The following KIAA0825 variants were observed in gnomAD, a reference collection of about 807,000 sequenced individuals.
KIAA0825 encodes KIAA0825.
In KIAA0825, 119 loss-of-function variants were observed where a neutral mutation model predicts 147.6. The observed-to-expected ratio is 0.81, with a 90% CI of 0.69 to 0.94. KIAA0825 has a LOEUF of 0.94. Ranked by LOEUF, KIAA0825 falls within the 40% of genes least tolerant of loss-of-function variation. KIAA0825 has a pLI of 0.00. For missense variants in KIAA0825, 1,381 were observed against 1,472.7 expected, an observed-to-expected ratio of 0.94 and a Z score of 1.02; for synonymous variants, 470 against 518.1, an observed-to-expected ratio of 0.91 and a Z score of 1.26.
intron 20 of KIAA0825, among the ~76,000 whole-genome samples, chr5:94,274,642 TAA>T (rs764772244): frequency 4.5e-4 from 69 of 152,112 alleles, no homozygotes; most frequent in Non-Finnish European, 8.8e-4. Context: ...TAATAATCTA[TAA>T]AACCTTTCTA....
At chr5:94,201,706 G>A (rs866232413) in intron 20 of KIAA0825, among the ~76,000 whole-genome samples, 6 of 151,466 alleles carry the variant, frequency 4.0e-5, no homozygotes, top group African/African-American at 1.2e-4. Context: ...GGGCTACCAC[G>A]CCCCACCATG....
chr5:94,277,456 A>AC (rs1777271987), intron 20 of KIAA0825, among the ~76,000 whole-genome samples: 1 of 152,186 alleles, frequency 6.6e-6, no homozygotes, highest in Non-Finnish European at 1.5e-5. Context: ...AAGGATATGA[A>AC]CAGACACTTC....
Position 94,462,436 on chromosome 5 carries a change from G to A in KIAA0825, c.2197C>T (p.Leu733=), listed in dbSNP as rs1424122146. 2.0e-6 allele frequency: 3 copies of A among 1,493,378 alleles called. No individual in the cohort carries two copies. Among genetic ancestry groups the A allele is most frequent in the Non-Finnish European group, 1.8e-6 (2 of 1,097,508 alleles). 92.5% of individuals were successfully genotyped at this position (1,493,378 alleles called of 1,614,324 possible). The change falls in exon 12 of 21, where the codon CTG becomes TTG. Residue 733 remains leucine (L), a synonymous_variant. Coordinates refer to ENST00000682413, the MANE Select transcript of KIAA0825 (RefSeq NM_001145678.3). ...IFKIHTHCNN[L]FTTLVILTSP... ...GTCAAAATGACTAATGTTGTAAACA[G>A]ATTATTACAATGAGTGTGAATTTTA...
chr5:94,555,071 T>A (rs1776295674), intron 2 of KIAA0825, among the ~76,000 whole-genome samples: 1 of 152,044 alleles, frequency 6.6e-6, no homozygotes, highest in African/African-American at 2.4e-5. Flanking sequence ...GAAATCTACA[T>A]AATTGCAAAA....
chr5:94,282,839 T>C (rs1246258045), intron 20 of KIAA0825, among the ~76,000 whole-genome samples: 1 of 151,826 alleles, frequency 6.6e-6, no homozygotes. Flanking sequence ...CAATAGTCTG[T>C]TTAAAGGGAA....
intron 15 of KIAA0825, among the ~76,000 whole-genome samples, chr5:94,406,029 C>A (rs1039741656): frequency 2.0e-5 from 3 of 152,066 alleles, no homozygotes; most frequent in African/African-American, 7.2e-5. Context: ...CAGGTTCAAG[C>A]GATTCTCCTG....
intron 17 of KIAA0825, 148 bp from the exon 18 acceptor site, chr5:94,391,842 C>T (rs527480661): frequency 1.6e-6 from 1 of 643,204 alleles, no homozygotes; most frequent in South Asian, 2.4e-5. Context: ...CCTTCCCAAA[C>T]CGCTGCCACT....
chr5:94,558,613 C>A (rs530776257), intron 2 of KIAA0825, among the ~76,000 whole-genome samples: 14 of 152,258 alleles, frequency 9.2e-5, no homozygotes, highest in African/African-American at 3.4e-4. Flanking sequence ...CCATATCTGC[C>A]ATTAAACACC....
intron 20 of KIAA0825, among the ~76,000 whole-genome samples, chr5:94,265,737 G>A (rs910187903): frequency 6.6e-6 from 1 of 152,136 alleles, no homozygotes. Context: ...GGAGGCGGAG[G>A]TTGCAGTGAG....
intron 20 of KIAA0825, among the ~76,000 whole-genome samples, chr5:94,195,719 T>A (rs114782463): frequency 0.012 from 1,803 of 152,264 alleles, 15 homozygotes; most frequent in Admixed American, 0.016. Flanking sequence ...AAGGGACATA[T>A]GTTATAGTCA....
At chr5:94,280,650 C>A (rs979546310) in intron 20 of KIAA0825, among the ~76,000 whole-genome samples, 1 of 152,038 alleles carries the variant, frequency 6.6e-6, no homozygotes, top group African/African-American at 2.4e-5. Flanking sequence ...ATCTGATGCT[C>A]AAATAGCTGC....
intron 20 of KIAA0825, among the ~76,000 whole-genome samples, chr5:94,321,811 T>A (rs893832320): frequency 1.3e-5 from 2 of 152,008 alleles, no homozygotes; most frequent in African/African-American, 4.8e-5. Context: ...GTTAAAATCA[T>A]ATTTAACAGA....
At chr5:94,385,425 T>C (rs10075297) in intron 19 of KIAA0825, among the ~76,000 whole-genome samples, 2,508 of 152,228 alleles carry the variant, frequency 0.016, 86 homozygotes, top group African/African-American at 0.058. Context: ...GTAACAGGCA[T>C]GGTAAAAATA....
At chr5:94,177,655 C>T (rs964912495) in intron 20 of KIAA0825, among the ~76,000 whole-genome samples, 1 of 152,018 alleles carries the variant, frequency 6.6e-6, no homozygotes, top group African/African-American at 2.4e-5. Flanking sequence ...TTAATGCTGC[C>T]TGTGGTTGAA....
intron 2 of KIAA0825, among the ~76,000 whole-genome samples, chr5:94,550,159 C>T (rs965860258): frequency 6.6e-6 from 1 of 152,144 alleles, no homozygotes; most frequent in African/African-American, 2.4e-5. Flanking sequence ...GAAAGACAAA[C>T]ATCATATGTG....
At chr5:94,315,589 T>C (rs540832349) in intron 20 of KIAA0825, among the ~76,000 whole-genome samples, 8 of 151,826 alleles carry the variant, frequency 5.3e-5, no homozygotes, top group Non-Finnish European at 1.2e-4. Flanking sequence ...ATTCTTAGTA[T>C]GTTAGTCGAA....
intron 3 of KIAA0825, among the ~76,000 whole-genome samples, chr5:94,528,123 A>C (rs1769718346): frequency 6.6e-6 from 1 of 152,218 alleles, no homozygotes. Flanking sequence ...TAATCATTTC[A>C]AAAAGTTGTA....
intron 20 of KIAA0825, among the ~76,000 whole-genome samples, chr5:94,327,909 G>A (rs1425927227): frequency 6.6e-6 from 1 of 152,130 alleles, no homozygotes; most frequent in Non-Finnish European, 1.5e-5. Context: ...AGGAGGCTGA[G>A]GCAGGAGAAT....
chr5:94,588,619 A>T (rs560155580), intron 1 of KIAA0825, among the ~76,000 whole-genome samples: 1 of 152,332 alleles, frequency 6.6e-6, no homozygotes, highest in South Asian at 2.1e-4. Context: ...CCATTGTGGA[A>T]GTCAGTGTGG....
Sources: gnomAD v4.1 joint callset for allele counts (sites outside exome capture counted in the v4.1 genomes callset) on GRCh38, gnomAD v4.1.1 for gene constraint, MANE v1.5 for transcripts, NCBI Gene and HGNC (gene_info 2026-07-23, HGNC 2026-07-21) for gene names.